Variants in HSF2 observed in about 807,000 individuals in gnomAD.
HSF2 encodes heat shock transcription factor 2.
Under a neutral mutation model 65.0 loss-of-function variants are expected in HSF2, and 21 were observed. The ratio of observed to expected loss-of-function variants is 0.32; its 90% CI spans 0.23 to 0.47. The LOEUF (loss-of-function observed/expected upper bound fraction) is 0.47. Ranked by LOEUF, HSF2 falls within the 20% of genes least tolerant of loss-of-function variation. HSF2 has a pLI of 1.00. For missense variants in HSF2, 499 were observed against 628.1 expected, an observed-to-expected ratio of 0.79 and a Z score of 2.20; for synonymous variants, 225 against 219.1, an observed-to-expected ratio of 1.03 and a Z score of -0.24.
At chr6:122,431,350 A>T in intron 11 of HSF2, 80 bp from the exon 12 acceptor site, 1 of 572,924 alleles carries the variant, frequency 1.7e-6, no homozygotes. Flanking sequence ...ACCAGTATTT[A>T]CATATTGTAT....
In HSF2 at chr6:122,432,571, G is replaced by T. The variant is rs45494491; in HGVS notation, c.*351G>T. 28 of 206,176 alleles carry T rather than the reference G, an allele frequency of 1.4e-4. No individual in the cohort carries two copies. The highest frequency in any genetic ancestry group is 2.2e-4 in the Non-Finnish European group (22 of 101,370). 12.8% of individuals were successfully genotyped at this position (206,176 alleles called of 1,614,324 possible). On this transcript the variant is annotated 3_prime_UTR_variant, in exon 13 of 13. Coordinates refer to ENST00000368455, the MANE Select transcript of HSF2 (RefSeq NM_004506.4). ...TTTTCCTGTTTGATGCTGTCTATTT[G>T]CATTGAGTGTAAGTCATTTGAACTA...
At chr6:122,431,554 T>G (rs780551932) in intron 12 of HSF2, 40 bp downstream of exon 12, 6 of 1,171,896 alleles carry the variant, frequency 5.1e-6, no homozygotes, top group South Asian at 2.8e-5. Flanking sequence ...TAGGTTTTTT[T>G]AATCCTATGC....
At chr6:122,424,174 C>G (rs1240083771) in intron 10 of HSF2, among the ~76,000 whole-genome samples, 2 of 151,840 alleles carry the variant, frequency 1.3e-5, no homozygotes, top group Non-Finnish European at 2.9e-5. Flanking sequence ...TGCTCCAGTC[C>G]CCACCACCAT....
chr6:122,399,848 C>G lies in HSF2; in HGVS notation c.93+18C>G. On this transcript the variant is annotated intron_variant, in intron 1 of 12. Transcript: ENST00000368455. ...GGAGCCAGGTACGGTCAGGCCACGGCGGCCTCTGAACCCCCTGAATAACCG... is the reference window on the plus strand; with the variant it reads ...GGAGCCAGGTACGGTCAGGCCACGGGGGCCTCTGAACCCCCTGAATAACCG... 1 of 1,593,150 alleles carries G rather than the reference C, an allele frequency of 6.3e-7. No homozygotes were observed.
Position 122,416,311 on chromosome 6 carries a change from TC to T in HSF2, c.531+19del, listed in dbSNP as rs747339246. ...TTATTCGAAAGGTAAGAAGCTCTTT[TC>T]CCCAGGACCATAATTTGCATTTGTT... On this transcript the variant is annotated intron_variant, in intron 5 of 12. Coordinates refer to ENST00000368455, the MANE Select transcript of HSF2 (RefSeq NM_004506.4). 1.3e-6 allele frequency: 2 copies of T among 1,586,208 alleles called. No individual in the cohort carries two copies. Among genetic ancestry groups the T allele is most frequent in the South Asian group, 1.1e-5 (1 of 90,140 alleles).
At chr6:122,413,298 G>A (rs1582610984) in intron 3 of HSF2, among the ~76,000 whole-genome samples, 1 of 134,856 alleles carries the variant, frequency 7.4e-6, no homozygotes. Flanking sequence ...TCCTGCTTGC[G>A]GAAACTTTTT....
At chr6:122,399,552 C>G, upstream of HSF2, 2 of 564,262 alleles carry the variant, frequency 3.5e-6, no homozygotes, top group South Asian at 2.1e-5. Context: ...AGCGCGGAGA[C>G]TTGTCCGTCA....
rs992191709 is a variant in HSF2 at position 122,432,417 on chromosome 6, C to T, written c.*197C>T. ...CAGGTGTTACTCAGCTGCATAGTTA[C>T]GCAGATGTAATGCACATTATTGGCG... On this transcript the variant is annotated 3_prime_UTR_variant, in exon 13 of 13. Transcript: ENST00000368455. 5.7e-6 allele frequency: 3 copies of T among 527,880 alleles called. No individual in the cohort carries two copies. The highest frequency in any genetic ancestry group is 5.1e-4 in the Middle Eastern group (1 of 1,976). The allele number at this position is 527,880 out of a possible 1,614,324, so 32.7% of individuals were successfully genotyped here. A position where few individuals can be genotyped will look rare whatever the true frequency, so the allele number is the denominator to read the frequency against.
chr6:122,412,363 C>A lies in HSF2; in HGVS notation c.94-10C>A. The A allele has an allele frequency of 6.9e-7, 1 of 1,450,728 alleles. No homozygotes were observed. Among genetic ancestry groups the A allele is most frequent in the Non-Finnish European group, 9.6e-7 (1 of 1,044,956 alleles). The allele number at this position is 1,450,728 out of a possible 1,614,324, so 89.9% of individuals were successfully genotyped here. ...TAATTTACTTTTTCTTTTTTTTTTT[C>A]CCCTTGCAGAATGGCCAAAGTTTTC... On this transcript the variant is annotated splice_polypyrimidine_tract_variant and intron_variant, in intron 1 of 12. Coordinates refer to ENST00000368455, the MANE Select transcript of HSF2 (RefSeq NM_004506.4).
rs746927690 is a variant in HSF2, at chr6:122,432,271, A to G, written c.*51A>G. ...TATATATTCATCAAAATGATGAACT[A>G]TTTATTTTAAAGTATCATTTGGTAC... On this transcript the variant is annotated 3_prime_UTR_variant, in exon 13 of 13. Transcript: ENST00000368455. 29 of 1,383,804 alleles carry G rather than the reference A, an allele frequency of 2.1e-5. No homozygotes were observed. Among genetic ancestry groups the G allele is most frequent in the East Asian group, 1.2e-4 (5 of 43,312 alleles). The allele number at this position is 1,383,804 out of a possible 1,614,324, so 85.7% of individuals were successfully genotyped here. A position where few individuals can be genotyped will look rare whatever the true frequency, so the allele number is the denominator to read the frequency against.
intron 1 of HSF2, among the ~76,000 whole-genome samples, chr6:122,403,380 C>T (rs2114417768): frequency 6.6e-6 from 1 of 152,218 alleles, no homozygotes; most frequent in Non-Finnish European, 1.5e-5. Flanking sequence ...CCAAGATGGG[C>T]AGGTTGCTTG....
intron 5 of HSF2, among the ~76,000 whole-genome samples, chr6:122,417,686 A>G (rs1339369937): frequency 6.6e-6 from 1 of 152,202 alleles, no homozygotes; most frequent in African/African-American, 2.4e-5. Flanking sequence ...TTCAGATAAA[A>G]ATCCCTGTGT....
chr6:122,412,613 A>G (rs1327674420), intron 2 of HSF2, 24 bp from the exon 3 acceptor site: 1 of 1,604,946 alleles, frequency 6.2e-7, no homozygotes, highest in Admixed American at 1.7e-5. Context: ...TATTTTAGTC[A>G]TTTGAATTTT....
intron 3 of HSF2, among the ~76,000 whole-genome samples, chr6:122,413,289 C>A (rs1774041317): frequency 6.7e-6 from 1 of 148,862 alleles, no homozygotes; most frequent in Admixed American, 6.8e-5. Context: ...CTAAGATATT[C>A]CTGCTTGCGG....
intron 1 of HSF2, among the ~76,000 whole-genome samples, chr6:122,400,560 T>G (rs1393514273): frequency 6.6e-6 from 1 of 152,212 alleles, no homozygotes; most frequent in Non-Finnish European, 1.5e-5. Flanking sequence ...CATATCGATG[T>G]GTTGATTATT....
chr6:122,428,011 G>T, intron 11 of HSF2, 55 bp downstream of exon 11: 1 of 1,134,908 alleles, frequency 8.8e-7, no homozygotes. Flanking sequence ...CTACAAAAAC[G>T]TCCTAATAAG....
At chr6:122,424,212 T>A (rs1236126830) in intron 10 of HSF2, among the ~76,000 whole-genome samples, 1 of 152,108 alleles carries the variant, frequency 6.6e-6, no homozygotes, top group Non-Finnish European at 1.5e-5. Flanking sequence ...CAATATTGAC[T>A]GGACTGAGAA....
intron 1 of HSF2, among the ~76,000 whole-genome samples, chr6:122,401,074 C>T (rs996536169): frequency 6.6e-6 from 1 of 151,944 alleles, no homozygotes. Context: ...TTCTTTTTTC[C>T]GACTTCCTTC....
At chr6:122,428,065 C>T in intron 11 of HSF2, 109 bp downstream of exon 11, 1 of 623,080 alleles carries the variant, frequency 1.6e-6, no homozygotes, top group East Asian at 2.9e-5. Flanking sequence ...ATTTTATATT[C>T]TTACCCAGTA....
Sources: allele counts gnomAD v4.1 joint callset (sites outside exome capture counted in the v4.1 genomes callset), GRCh38; gene constraint gnomAD v4.1.1; transcripts MANE v1.5; gene names NCBI Gene and HGNC (gene_info 2026-07-23, HGNC 2026-07-21).